INPP5A: variants seen among roughly 807,000 people sequenced by gnomAD.
INPP5A encodes 43 kDa inositol polyphosphate 5-phophatase.
Under a neutral mutation model 65.2 loss-of-function variants are expected in INPP5A, and 14 were observed. The observed-to-expected ratio is 0.21, with a 90% CI of 0.14 to 0.34. The LOEUF is 0.34. INPP5A is among the 10% of genes least tolerant of loss of function. INPP5A has a pLI of 1.00. For synonymous variants in INPP5A, 207 were observed against 208.3 expected (o/e 0.99, Z 0.05); for missense variants, 431 against 545.6 (o/e 0.79, Z 2.09).
intron 4 of INPP5A, among the ~76,000 whole-genome samples, chr10:132,652,805 G>A (rs889101595): frequency 2.0e-5 from 3 of 152,246 alleles, no homozygotes; most frequent in Admixed American, 6.5e-5. Context: ...CAGAACGAGC[G>A]TGTTGTCGGG....
intron 1 of INPP5A, among the ~76,000 whole-genome samples, chr10:132,570,382 T>C (rs2071326340): frequency 6.6e-6 from 1 of 152,216 alleles, no homozygotes; most frequent in Non-Finnish European, 1.5e-5. Context: ...CAGTTTCATC[T>C]CTGGCCCTGG....
rs1339107734 is a variant in INPP5A, at chr10:132,616,746, TGTG to T, written c.117+8794_117+8796del. 1.4e-5 allele frequency among the ~76,000 whole-genome samples: 2 copies of T among 147,126 alleles called. No individual in the cohort carries two copies. The highest frequency in any genetic ancestry group is 2.1e-4 in the East Asian group (1 of 4,778). ...GACATGGTGACATGGCGATGTGTCA[TGTG>T]GTGATGGGGGACGTGGCGTGGGGGA... On this transcript the variant is annotated intron_variant, in intron 2 of 15. Coordinates refer to ENST00000368594, the MANE Select transcript of INPP5A (RefSeq NM_005539.5). This position sits in a 1 kb window ranked among gnomAD's most constrained non-coding sequence, Gnocchi z 4.9.
chr10:132,764,653 G>A (rs1846801306), intron 11 of INPP5A, among the ~76,000 whole-genome samples: 1 of 146,588 alleles, frequency 6.8e-6, no homozygotes, highest in South Asian at 2.2e-4. Context: ...GCAGGGGTGG[G>A]AGGGTGTGCG....
At chr10:132,718,166 TA>T (rs1845779153) in intron 8 of INPP5A, among the ~76,000 whole-genome samples, 1 of 146,616 alleles carries the variant, frequency 6.8e-6, no homozygotes, top group Non-Finnish European at 1.5e-5. Flanking sequence ...GGTTCTGTGG[TA>T]CCTGGGTTCT....
At chr10:132,622,166 T>C (rs1359740495) in intron 2 of INPP5A, among the ~76,000 whole-genome samples, 2 of 152,232 alleles carry the variant, frequency 1.3e-5, no homozygotes, top group African/African-American at 4.8e-5. Context: ...TGGGTATAAA[T>C]TGGTAAAATA....
intron 6 of INPP5A, among the ~76,000 whole-genome samples, chr10:132,699,689 C>T (rs964549759): frequency 2.6e-5 from 4 of 152,078 alleles, no homozygotes; most frequent in African/African-American, 7.2e-5. Flanking sequence ...GTGGGAAGCT[C>T]GGGGGCAGCG....
chr10:132,727,531 C>T lies in INPP5A; in HGVS notation c.732+626C>T, dbSNP rs148506704. 8.6e-3 allele frequency among the ~76,000 whole-genome samples: 1,309 copies of T among 151,746 alleles called. 13 individuals carry two copies. The highest frequency in any genetic ancestry group is 0.033 in the South Asian group (154 of 4,718). The stretch of plus-strand genomic sequence containing the variant: ...AGGAAGTGGGCCTCTAGGCTCAGTG[C>T]AAGGGCCGATGTTTCTCTGTGGTCC... On this transcript the variant is annotated intron_variant, in intron 9 of 15. Coordinates refer to ENST00000368594, the MANE Select transcript of INPP5A (RefSeq NM_005539.5). The surrounding 1 kb of genome is among the most constrained non-coding windows in gnomAD (Gnocchi z 6.5).
At chr10:132,660,931 A>C (rs2072728377) in intron 4 of INPP5A, among the ~76,000 whole-genome samples, 1 of 152,190 alleles carries the variant, frequency 6.6e-6, no homozygotes, top group South Asian at 2.1e-4. Flanking sequence ...GATTCCTTTA[A>C]GCCTAAAACT....
intron 11 of INPP5A, among the ~76,000 whole-genome samples, chr10:132,764,992 C>T (rs1169325113): frequency 1.4e-4 from 16 of 117,132 alleles, no homozygotes; most frequent in African/African-American, 3.1e-4. Context: ...GGAGGGTGTG[C>T]GTGGTGACAC....
intron 4 of INPP5A, among the ~76,000 whole-genome samples, chr10:132,686,615 A>G (rs1023104379): frequency 6.6e-6 from 1 of 152,242 alleles, no homozygotes; most frequent in Non-Finnish European, 1.5e-5. Context: ...ATTACAGCTA[A>G]TTATGGATTT....
chr10:132,664,993 C>T (rs2072783971), intron 4 of INPP5A, among the ~76,000 whole-genome samples: 1 of 152,148 alleles, frequency 6.6e-6, no homozygotes, highest in South Asian at 2.1e-4. Context: ...CAGTCAGGGG[C>T]TGCCCCTGCC....
chr10:132,766,500 C>T (rs978036229), intron 12 of INPP5A, among the ~76,000 whole-genome samples: 10 of 151,318 alleles, frequency 6.6e-5, no homozygotes, highest in African/African-American at 1.5e-4. Flanking sequence ...CGTGGGTGTC[C>T]GTGTGTGTGC....
At chr10:132,737,297 C>T (rs1846194594) in intron 9 of INPP5A, among the ~76,000 whole-genome samples, 1 of 152,316 alleles carries the variant, frequency 6.6e-6, no homozygotes, top group South Asian at 2.1e-4. Flanking sequence ...AAGCCTGGCT[C>T]AGAGTGACAC....
Position 132,550,643 on chromosome 10 carries a change from A to G in INPP5A, c.75+12472A>G, listed in dbSNP as rs138571802. Reference sequence around the variant, plus strand: ...CATTCTGGCTGGGCTCGCTGGCCACAGGACGTCCACTGTAGGACAGCTGGG... The same window carrying G: ...CATTCTGGCTGGGCTCGCTGGCCACGGGACGTCCACTGTAGGACAGCTGGG... On this transcript the variant is annotated intron_variant, in intron 1 of 15. Transcript: ENST00000368594. This position sits in a 1 kb window ranked among gnomAD's most constrained non-coding sequence, Gnocchi z 4.2. Among the ~76,000 whole-genome samples the G allele has an allele frequency of 1.1e-3, 174 of 152,358 alleles. No individual in the cohort carries two copies. Among genetic ancestry groups the G allele is most frequent in the African/African-American group, 4.0e-3 (166 of 41,582 alleles).
chr10:132,617,960 T>C (rs1030222749), intron 2 of INPP5A, among the ~76,000 whole-genome samples: 1 of 152,260 alleles, frequency 6.6e-6, no homozygotes, highest in Non-Finnish European at 1.5e-5. Flanking sequence ...TAATATATGC[T>C]GTCTATCTTA....
chr10:132,726,828 G>A lies in INPP5A; in HGVS notation c.655G>A (p.Asp219Asn). The A allele has an allele frequency of 6.3e-7, 1 of 1,599,522 alleles. No homozygotes were observed. The highest frequency in any genetic ancestry group is 8.5e-7 in the Non-Finnish European group (1 of 1,169,764). The change falls in exon 9 of 16, where the codon GAT becomes AAT. Residue 219 changes from aspartate to asparagine, a missense_variant. Coordinates refer to ENST00000368594, the MANE Select transcript of INPP5A (RefSeq NM_005539.5). ...TCCTCTTTTTCTTTCCAGAATCATT[G>A]ATCAGCGATTCGAGAAGGTTTCCTA... is the stretch of plus-strand genomic sequence containing the variant. ...ALGYVLDRIIDQRFEKVSYFV... is the reference protein window; with the variant it reads ...ALGYVLDRIINQRFEKVSYFV...
Position 132,616,227 on chromosome 10 carries a change from G to A in INPP5A, c.117+8271G>A, listed in dbSNP as rs545401425. 1.3e-5 allele frequency among the ~76,000 whole-genome samples: 2 copies of A among 152,226 alleles called. No homozygotes were observed. Among genetic ancestry groups the A allele is most frequent in the Non-Finnish European group, 2.9e-5 (2 of 68,032 alleles). ...CTGAAAGAACCACAGGGTGGCGTGG[G>A]AGGCAGCTGCAGTGGGAGGTGCCTG... On this transcript the variant is annotated intron_variant, in intron 2 of 15. Coordinates refer to ENST00000368594, the MANE Select transcript of INPP5A (RefSeq NM_005539.5). This position sits in a 1 kb window ranked among gnomAD's most constrained non-coding sequence, Gnocchi z 4.9.
chr10:132,738,397 T>TC (rs937309929), intron 9 of INPP5A, among the ~76,000 whole-genome samples: 7 of 152,082 alleles, frequency 4.6e-5, no homozygotes, highest in Non-Finnish European at 7.4e-5. Flanking sequence ...GTGTCCTGCG[T>TC]CCCCCTCCCT....
At chr10:132,623,961 A>G (rs1377533195) in intron 2 of INPP5A, among the ~76,000 whole-genome samples, 4 of 152,348 alleles carry the variant, frequency 2.6e-5, no homozygotes, top group South Asian at 4.1e-4. Context: ...GTACGTGCCT[A>G]TTAGACTGGC....
Sources: gnomAD v4.1 joint callset for allele counts (sites outside exome capture counted in the v4.1 genomes callset) on GRCh38, gnomAD v4.1.1 for gene constraint, Gnocchi (gnomAD v3.1) non-coding constraint, MANE v1.5 for transcripts, NCBI Gene and HGNC (gene_info 2026-07-23, HGNC 2026-07-21) for gene names.